The following UNC79 variants were observed in gnomAD, a reference collection of about 807,000 sequenced individuals.
UNC79 encodes unc-79 subunit of NALCN channel complex.
UNC79 carries 37 observed loss-of-function variants against 283.1 expected under a neutral mutation model. That is an observed-to-expected ratio of 0.13 (90% CI 0.10 to 0.17). UNC79 has a LOEUF of 0.17. Ranked by LOEUF, UNC79 falls within the 10% of genes least tolerant of loss-of-function variation. The pLI is 1.00. For synonymous variants in UNC79, 1,107 were observed against 1,200.2 expected, an observed-to-expected ratio of 0.92 and a Z score of 1.61; for missense variants, 2,272 against 3,211.1, an observed-to-expected ratio of 0.71 and a Z score of 7.07.
intron 27 of UNC79, among the ~76,000 whole-genome samples, chr14:93,614,043 TA>T (rs201790798): frequency 0.038 from 4,752 of 125,706 alleles, 138 homozygotes; most frequent in African/African-American, 0.095. Flanking sequence ...TCATGCACAG[TA>T]AAAAAAAAAA....
At chr14:93,529,436 G>A in intron 10 of UNC79, 110 bp downstream of exon 10, 4 of 1,174,562 alleles carry the variant, frequency 3.4e-6, no homozygotes, top group Non-Finnish European at 4.8e-6. Flanking sequence ...CCAAAGTATT[G>A]TATTGTATGA....
intron 1 of UNC79, among the ~76,000 whole-genome samples, chr14:93,414,689 C>A (rs2055413833): frequency 6.6e-6 from 1 of 152,046 alleles, no homozygotes; most frequent in South Asian, 2.1e-4. Context: ...TTGTTTGTAT[C>A]CTCTTTTATT....
At position 93,356,056 on chromosome 14, in the gene UNC79, CTTG is replaced by C. The variant is rs1256311461; in HGVS notation, c.-351+22538_-351+22540del. 6.7e-5 allele frequency among the ~76,000 whole-genome samples: 9 copies of C among 133,346 alleles called. No individual in the cohort carries two copies. In the East Asian group the frequency reaches 1.1e-3, roughly 16 times the overall value. 87.5% of individuals were successfully genotyped at this position (133,346 alleles called of 152,430 possible). ...TTTTTTTTTTTTTTTGAGGCAGAGT[CTTG>C]TTGTGTTGCCCAGGCTGGAGTGCAG... On this transcript the variant is annotated intron_variant, in intron 1 of 49. Transcript: ENST00000256339.
intron 1 of UNC79, among the ~76,000 whole-genome samples, chr14:93,460,114 G>C (rs1170783634): frequency 7.9e-5 from 10 of 126,934 alleles, no homozygotes; most frequent in African/African-American, 3.0e-4. Context: ...GGATCACAAG[G>C]TTAGGAGATT....
chr14:93,477,200 T>G (rs1940355721), intron 3 of UNC79, among the ~76,000 whole-genome samples: 1 of 152,218 alleles, frequency 6.6e-6, no homozygotes, highest in South Asian at 2.1e-4. Context: ...TTTCTGATAC[T>G]GCCCTTGACT....
intron 4 of UNC79, among the ~76,000 whole-genome samples, chr14:93,482,756 T>A (rs1288012891): frequency 1.3e-5 from 2 of 152,206 alleles, no homozygotes; most frequent in African/African-American, 4.8e-5. Context: ...TCCAGTAGCT[T>A]CCGAACTGGT....
chr14:93,399,155 A>G (rs2052798873), intron 1 of UNC79, among the ~76,000 whole-genome samples: 1 of 152,106 alleles, frequency 6.6e-6, no homozygotes, highest in African/African-American at 2.4e-5. Context: ...ACTCACTATA[A>G]TGAGTAAGTA....
chr14:93,425,583 T>TA (rs1209850755), upstream of UNC79, among the ~76,000 whole-genome samples: 2 of 152,098 alleles, frequency 1.3e-5, no homozygotes, highest in Admixed American at 6.5e-5. Context: ...CATATATACA[T>TA]AAAAAAGTTG....
intron 14 of UNC79, among the ~76,000 whole-genome samples, chr14:93,565,518 T>A (rs913618842): frequency 6.6e-6 from 1 of 152,218 alleles, no homozygotes; most frequent in Non-Finnish European, 1.5e-5. Flanking sequence ...GGTATCCTGT[T>A]CTTCTATAGC....
intron 40 of UNC79, 53 bp downstream of exon 43, chr14:93,662,767 A>G: frequency 7.1e-7 from 1 of 1,409,390 alleles, no homozygotes; most frequent in East Asian, 2.3e-5. Flanking sequence ...TGGCAGAAAT[A>G]TATTCTTTTG....
At chr14:93,591,050 C>T (rs1356539107) in intron 22 of UNC79, among the ~76,000 whole-genome samples, 1 of 152,170 alleles carries the variant, frequency 6.6e-6, no homozygotes, top group Non-Finnish European at 1.5e-5. Flanking sequence ...AGAATTTGCA[C>T]ATTGTTACAC....
chr14:93,511,930 A>T (rs1323969983), intron 7 of UNC79, among the ~76,000 whole-genome samples: 2 of 152,002 alleles, frequency 1.3e-5, no homozygotes, highest in Admixed American at 6.6e-5. Flanking sequence ...AAAAAATTAG[A>T]TTGTTTATTT....
chr14:93,498,451 C>T (rs768088299), intron 7 of UNC79, among the ~76,000 whole-genome samples: 103 of 151,582 alleles, frequency 6.8e-4, no homozygotes, highest in Non-Finnish European at 9.4e-4. Flanking sequence ...TTTAGCCGGA[C>T]GTGGTGGCAC....
chr14:93,391,040 G>A (rs1327341167), intron 1 of UNC79, among the ~76,000 whole-genome samples: 2 of 152,104 alleles, frequency 1.3e-5, no homozygotes, highest in Non-Finnish European at 2.9e-5. Flanking sequence ...CAATATGGCA[G>A]GATTCCATAT....
At chr14:93,363,478 C>A (rs1242452372) in intron 1 of UNC79, among the ~76,000 whole-genome samples, 3 of 152,078 alleles carry the variant, frequency 2.0e-5, no homozygotes, top group African/African-American at 7.2e-5. Flanking sequence ...TCTGTTAGGT[C>A]CGTTTGGTCA....
intron 1 of UNC79, among the ~76,000 whole-genome samples, chr14:93,461,487 C>T (rs959027999): frequency 6.6e-6 from 1 of 152,118 alleles, no homozygotes; most frequent in South Asian, 2.1e-4. Flanking sequence ...TGTGTATGCA[C>T]AGACCTCTTT....
Position 93,621,760 on chromosome 14 carries a change from G to A in UNC79, c.4527G>A (p.Ser1509=). ...CTCTTGATATAGGGAATGCAGACTC[G>A]CTTTTGTTTACATTAGACGAACATC... Residue 1509 remains serine (S), a synonymous_variant, in exon 30 of 49, where the codon TCG becomes TCA. Coordinates refer to ENST00000555664, the Ensembl canonical transcript of UNC79. This position sits in a 1 kb window ranked among gnomAD's most constrained non-coding sequence, Gnocchi z 4.8. 1.9e-6 allele frequency: 3 copies of A among 1,614,056 alleles called. No individual in the cohort carries two copies. The highest frequency in any genetic ancestry group is 1.1e-5 in the South Asian group (1 of 91,058).
At chr14:93,685,939 C>T (rs1412279305) in intron 42 of UNC79, among the ~76,000 whole-genome samples, 1 of 152,110 alleles carries the variant, frequency 6.6e-6, no homozygotes, top group African/African-American at 2.4e-5. Context: ...GGAAGATGAC[C>T]ATTTCGTTTC....
intron 46 of UNC79, among the ~76,000 whole-genome samples, chr14:93,692,419 T>C (rs530966956): frequency 1.3e-5 from 2 of 152,312 alleles, no homozygotes; most frequent in Admixed American, 1.3e-4. Flanking sequence ...ATCAAATGTA[T>C]GTTGTATGAA....
Sources: allele counts gnomAD v4.1 joint callset (sites outside exome capture counted in the v4.1 genomes callset), GRCh38; gene constraint gnomAD v4.1.1; non-coding constraint Gnocchi (gnomAD v3.1); transcripts MANE v1.5; gene names NCBI Gene and HGNC (gene_info 2026-07-23, HGNC 2026-07-21).